The following CASK variants were observed in gnomAD, a reference collection of about 807,000 sequenced individuals.
CASK encodes the protein calcium/calmodulin dependent serine protein kinase, also known as peripheral plasma membrane protein CASK.
CASK carries 4 observed loss-of-function variants against 82.9 expected under a neutral mutation model. That is an observed-to-expected ratio of 0.05 (90% CI 0.02 to 0.11). CASK has a LOEUF of 0.11. CASK is among the 10% of genes least tolerant of loss of function. The pLI, the probability that CASK is intolerant of heterozygous loss-of-function variation, is 1.00. For synonymous variants in CASK, 259 were observed against 253.5 expected, an observed-to-expected ratio of 1.02 and a Z score of -0.20; for missense variants, 358 against 720.9, an observed-to-expected ratio of 0.50 and a Z score of 5.76.
At position 41,517,670 on chromosome X, in the gene CASK, G is replaced by T; in HGVS notation, c.*2750C>A. On this transcript the variant is annotated 3_prime_UTR_variant, in exon 27 of 27. Coordinates refer to ENST00000378163, the MANE Select transcript of CASK (RefSeq NM_001367721.1). The stretch of plus-strand genomic sequence containing the variant: ...TAAACATTCATTCTGGTCTTTAAAA[G>T]AAAGAAAGAAAAAAAAAGGTTCTGC... The T allele has an allele frequency of 6.6e-6, 3 of 457,016 alleles. No individual in the cohort carries two copies. Among genetic ancestry groups the T allele is most frequent in the Admixed American group, 3.3e-5 (1 of 29,904 alleles). 37.7% of individuals were successfully genotyped at this position (457,016 alleles called of 1,213,427 possible).
chrX:41,800,349 G>C (rs2069967604), intron 2 of CASK, among the ~76,000 whole-genome samples: 1 of 110,531 alleles, frequency 9.0e-6, no homozygotes, highest in Non-Finnish European at 1.9e-5. Flanking sequence ...AGCCAATGAG[G>C]AGTGAGTTCC....
chrX:41,643,363 C>A (rs1267615757), intron 8 of CASK, among the ~76,000 whole-genome samples: 2 of 111,445 alleles, frequency 1.8e-5, no homozygotes, highest in Non-Finnish European at 3.8e-5. Flanking sequence ...TTACTTTGGG[C>A]AGTATGGCCA....
At chrX:41,829,373 T>C (rs1454108985) in intron 2 of CASK, among the ~76,000 whole-genome samples, 2 of 109,275 alleles carry the variant, frequency 1.8e-5, no homozygotes, top group African/African-American at 6.7e-5. Flanking sequence ...AATGGAATCA[T>C]AGAGTTGGTA....
intron 2 of CASK, among the ~76,000 whole-genome samples, chrX:41,816,591 G>A (rs2070415579): frequency 9.3e-6 from 1 of 108,091 alleles, no homozygotes; most frequent in African/African-American, 3.4e-5. Flanking sequence ...ATAGATCAAT[G>A]AATTGATAAA....
chrX:41,590,272 CAA>C (rs1472917472), intron 12 of CASK, among the ~76,000 whole-genome samples: 3 of 110,692 alleles, frequency 2.7e-5, no homozygotes, highest in Non-Finnish European at 5.7e-5. Context: ...TTTGGGAGGC[CAA>C]GGTGGGCGGA....
rs1286176323 is a variant in CASK, at chrX:41,784,829, T to C, written c.278+2349A>G. On this transcript the variant is annotated intron_variant, in intron 3 of 26. Coordinates refer to ENST00000378163, the MANE Select transcript of CASK (RefSeq NM_001367721.1). Reference sequence around the variant, plus strand: ...GGGCGGAGGTTGCAGTGAGCCGAGATTGCGCCACTGCACTCCAGCCTGGGT... The same window carrying C: ...GGGCGGAGGTTGCAGTGAGCCGAGACTGCGCCACTGCACTCCAGCCTGGGT... Among the ~76,000 whole-genome samples the C allele has an allele frequency of 4.6e-5, 5 of 109,423 alleles. No individual in the cohort carries two copies. In the East Asian group the frequency reaches 1.1e-3, roughly 25 times the overall value.
At chrX:41,797,905 AT>A (rs766269174) in intron 2 of CASK, among the ~76,000 whole-genome samples, 2 of 112,224 alleles carry the variant, frequency 1.8e-5, no homozygotes, top group East Asian at 5.6e-4. Flanking sequence ...AAGAAATGCC[AT>A]CTACTTGCAG....
rs112707567 is a variant in CASK, at chrX:41,912,578, G to T, written c.59+10352C>A. Among the ~76,000 whole-genome samples the T allele has an allele frequency of 5.5e-3, 596 of 107,992 alleles. 1 individual carries two copies. The highest frequency in any genetic ancestry group is 0.018 in the African/African-American group (547 of 29,863). 93.8% of individuals were successfully genotyped at this position (107,992 alleles called of 115,157 possible). Reference sequence around the variant, plus strand: ...CCACCTCAGCCTTCCAACGTGCTGGGATTACGGGCATAAGCCACTGCACCC... The same window carrying T: ...CCACCTCAGCCTTCCAACGTGCTGGTATTACGGGCATAAGCCACTGCACCC... On this transcript the variant is annotated intron_variant, in intron 1 of 26. Coordinates refer to ENST00000378163, the MANE Select transcript of CASK (RefSeq NM_001367721.1).
chrX:41,602,692 C>T (rs1234703090), intron 12 of CASK, among the ~76,000 whole-genome samples: 2 of 103,323 alleles, frequency 1.9e-5, no homozygotes, highest in Non-Finnish European at 3.9e-5. Flanking sequence ...TCTATTGCTG[C>T]TTAACAAAGA....
chrX:41,812,143 C>T (rs1050394860), intron 2 of CASK, among the ~76,000 whole-genome samples: 1 of 111,605 alleles, frequency 9.0e-6, no homozygotes, highest in Admixed American at 9.5e-5. Flanking sequence ...GATTCACAGC[C>T]GAATTCTACC....
chrX:41,761,105 C>CT (rs1371281785), intron 3 of CASK, among the ~76,000 whole-genome samples: 4 of 112,055 alleles, frequency 3.6e-5, no homozygotes, highest in Non-Finnish European at 7.5e-5. Flanking sequence ...AAAACCTTCT[C>CT]TTCATTCAGA....
intron 7 of CASK, among the ~76,000 whole-genome samples, 193 bp downstream of exon 7, chrX:41,665,084 G>T: frequency 8.9e-6 from 1 of 112,432 alleles, no homozygotes. Flanking sequence ...AGCTGACAAT[G>T]ACTCAGAAAT....
intron 14 of CASK, among the ~76,000 whole-genome samples, chrX:41,579,405 A>G (rs1347339938): frequency 1.8e-5 from 2 of 111,912 alleles, no homozygotes; most frequent in Non-Finnish European, 3.8e-5. Flanking sequence ...TGCAAAGCCT[A>G]TTAACAAAGA....
intron 2 of CASK, among the ~76,000 whole-genome samples, chrX:41,787,550 CAA>C (rs778064917): frequency 5.0e-3 from 197 of 39,644 alleles, no homozygotes; most frequent in African/African-American, 0.015. Flanking sequence ...TCCCCAAAAG[CAA>C]AAAAAAAAAA....
At chrX:41,803,742 A>T (rs1285321984) in intron 2 of CASK, among the ~76,000 whole-genome samples, 2 of 112,143 alleles carry the variant, frequency 1.8e-5, no homozygotes, top group Non-Finnish European at 3.8e-5. Flanking sequence ...GTAAGTAGGG[A>T]CCAGGAAGTG....
At chrX:41,861,965 A>G (rs2071499050) in intron 1 of CASK, among the ~76,000 whole-genome samples, 1 of 104,329 alleles carries the variant, frequency 9.6e-6, no homozygotes, top group Non-Finnish European at 1.9e-5. Context: ...ACATATGTAT[A>G]TATACATTAT....
chrX:41,553,314 G>A (rs1208227783), intron 21 of CASK, among the ~76,000 whole-genome samples: 1 of 111,900 alleles, frequency 8.9e-6, no homozygotes, highest in Non-Finnish European at 1.9e-5. Context: ...CTGAAGCACT[G>A]CACCTACATT....
chrX:41,743,277 T>C (rs1184327661), intron 4 of CASK, among the ~76,000 whole-genome samples: 2 of 111,863 alleles, frequency 1.8e-5, no homozygotes, highest in African/African-American at 6.5e-5. Context: ...CCTTCTTCCA[T>C]TGAGTTTCAC....
At chrX:41,815,585 T>C (rs1423053276) in intron 2 of CASK, among the ~76,000 whole-genome samples, 1 of 111,261 alleles carries the variant, frequency 9.0e-6, no homozygotes, top group Non-Finnish European at 1.9e-5. Flanking sequence ...GATTAGACAA[T>C]GCATGAAAAG....
Sources: gnomAD v4.1 joint callset for allele counts (sites outside exome capture counted in the v4.1 genomes callset) on GRCh38, gnomAD v4.1.1 for gene constraint, MANE v1.5 for transcripts, NCBI Gene and HGNC (gene_info 2026-07-23, HGNC 2026-07-21) for gene names.